The following PTMS variants were observed in gnomAD, a reference collection of about 807,000 sequenced individuals.
PTMS encodes the protein parathymosin.
A neutral mutation model predicts 18.4 loss-of-function variants in PTMS; 5 were observed. The observed-to-expected ratio is 0.27, with a 90% confidence interval of 0.14 to 0.57. The LOEUF is 0.57. Ranked by LOEUF, PTMS falls within the 20% of genes least tolerant of loss-of-function variation. The probability of loss-of-function intolerance (pLI) is 0.92; values close to 1 mark genes in which losing one functional copy is unlikely to be tolerated. For missense variants in PTMS, 93 were observed against 124.6 expected, an observed-to-expected ratio of 0.75 and a Z score of 1.21; for synonymous variants, 53 against 47.7, an observed-to-expected ratio of 1.11 and a Z score of -0.46.
intron 1 of PTMS, chr12:6,769,321 G>A (rs1941808916): frequency 4.1e-6 from 2 of 488,548 alleles, no homozygotes; most frequent in East Asian, 4.1e-5. Context: ...GTGAGGTTTG[G>A]GAGAACTTGA....
rs1158698524 is a variant in PTMS, at chr12:6,766,577, T to C, written c.-129T>C. The C allele has an allele frequency of 6.1e-5, 24 of 391,748 alleles. No homozygotes were observed. The Admixed American group carries it at 7.7e-4, about 13-fold the overall frequency. 24.3% of individuals were successfully genotyped at this position (391,748 alleles called of 1,614,324 possible). On this transcript the variant is annotated 5_prime_UTR_variant, in exon 1 of 5. Transcript: ENST00000309083. ...ACCCAGCTTGCCGAGCGGCCGCCGC[T>C]GCCGCTGTCGCCGCCGCCGCCGCCA...
At chr12:6,767,741 C>T (rs1216206538) in intron 1 of PTMS, among the ~76,000 whole-genome samples, 2 of 152,230 alleles carry the variant, frequency 1.3e-5, no homozygotes, top group Non-Finnish European at 2.9e-5. Context: ...CCGTGTGGCC[C>T]TCCGGCGGGC....
Position 6,766,630 on chromosome 12 carries a change from C to A in PTMS, c.-76C>A. 1 of 922,858 alleles carries A rather than the reference C, an allele frequency of 1.1e-6. No individual in the cohort carries two copies. The highest frequency in any genetic ancestry group is 1.3e-6 in the Non-Finnish European group (1 of 749,238). The allele number at this position is 922,858 out of a possible 1,614,324, so 57.2% of individuals were successfully genotyped here. A position where few individuals can be genotyped will look rare whatever the true frequency, so the allele number is the denominator to read the frequency against. ...GCGCCAGGTTCCGGCCGCGGCCACC[C>A]TCCGCCGTCCAGGGCCCCTCCGTCT... On this transcript the variant is annotated 5_prime_UTR_variant, in exon 1 of 5. Coordinates refer to ENST00000309083, the MANE Select transcript of PTMS (RefSeq NM_002824.6).
rs1208179589 is a variant in PTMS, at chr12:6,770,791, C to T, written c.*349C>T. 8.4e-6 allele frequency: 3 copies of T among 357,480 alleles called. No individual in the cohort carries two copies. The highest frequency in any genetic ancestry group is 1.6e-5 in the Non-Finnish European group (3 of 189,640). The allele number at this position is 357,480 out of a possible 1,614,324, so 22.1% of individuals were successfully genotyped here. A position where few individuals can be genotyped will look rare whatever the true frequency, so the allele number is the denominator to read the frequency against. ...GCATCCCCCAGCCTCATGTCCTGCCCCATCCCTATCCTGCCTGATCCCTGG... is the reference window on the plus strand; with the variant it reads ...GCATCCCCCAGCCTCATGTCCTGCCTCATCCCTATCCTGCCTGATCCCTGG... On this transcript the variant is annotated 3_prime_UTR_variant, in exon 5 of 5. Coordinates refer to ENST00000309083, the MANE Select transcript of PTMS (RefSeq NM_002824.6). This position sits in a 1 kb window ranked among gnomAD's most constrained non-coding sequence, Gnocchi z 7.3.
intron 1 of PTMS, among the ~76,000 whole-genome samples, 182 bp from the exon 2 acceptor site, chr12:6,769,421 G>A (rs570202728): frequency 1.3e-5 from 2 of 152,184 alleles, no homozygotes; most frequent in South Asian, 4.1e-4. Flanking sequence ...GAGGTGTTTG[G>A]TCTCAACCCC....
Position 6,770,124 on chromosome 12 carries a change from C to T in PTMS, c.197-33C>T. On this transcript the variant is annotated intron_variant, in intron 3 of 4. Coordinates refer to ENST00000309083, the MANE Select transcript of PTMS (RefSeq NM_002824.6). The surrounding 1 kb of genome is among the most constrained non-coding windows in gnomAD (Gnocchi z 7.3). ...ACGGGGGCTCTGCCAGAGCTTCCTG[C>T]CCTTCCCCAATGACCCATTTCTGGC... 6.2e-7 allele frequency: 1 copy of T among 1,613,562 alleles called. No individual in the cohort carries two copies. The highest frequency in any genetic ancestry group is 8.5e-7 in the Non-Finnish European group (1 of 1,179,828).
Position 6,770,044 on chromosome 12 carries a change from A to G in PTMS, c.196+45A>G. ...GCTGGGCTGGCAAAGTCTGGGCTCA[A>G]AGGAGAGCAGAGTCAGGGTGGGTTT... On this transcript the variant is annotated intron_variant, in intron 3 of 4. Coordinates refer to ENST00000309083, the MANE Select transcript of PTMS (RefSeq NM_002824.6). The surrounding 1 kb of genome is among the most constrained non-coding windows in gnomAD (Gnocchi z 7.3). The G allele has an allele frequency of 1.3e-6, 2 of 1,577,056 alleles. No individual in the cohort carries two copies. Among genetic ancestry groups the G allele is most frequent in the Non-Finnish European group, 8.6e-7 (1 of 1,161,970 alleles).
At position 6,770,290 on chromosome 12, in the gene PTMS, C is replaced by T. The variant is rs1019655967; in HGVS notation, c.258+72C>T. 129 of 1,609,598 alleles carry T rather than the reference C, an allele frequency of 8.0e-5. 1 individual carries two copies. Among genetic ancestry groups the T allele is most frequent in the South Asian group, 8.8e-5 (8 of 90,992 alleles). On this transcript the variant is annotated intron_variant, in intron 4 of 4. Transcript: ENST00000309083. The surrounding 1 kb of genome is among the most constrained non-coding windows in gnomAD (Gnocchi z 7.3). ...GGGCTGGGCGCCCTTTGGATTTGGA[C>T]CCAGATCCCTGTGTGGCAGGGGTGG...
chr12:6,766,697 C>A lies in PTMS; in HGVS notation c.-9C>A. On this transcript the variant is annotated 5_prime_UTR_variant, in exon 1 of 5. Coordinates refer to ENST00000309083, the MANE Select transcript of PTMS (RefSeq NM_002824.6). ...GCTCCCCGCCAGCCCCGGCCCCGGC[C>A]CCGGCACCATGTCGGAGAAAAGCGT... 1.8e-6 allele frequency: 2 copies of A among 1,130,890 alleles called. No individual in the cohort carries two copies. Among genetic ancestry groups the A allele is most frequent in the South Asian group, 5.4e-5 (2 of 36,764 alleles). 70.1% of individuals were successfully genotyped at this position (1,130,890 alleles called of 1,614,324 possible).
rs1025541336 is a variant in PTMS, at chr12:6,770,212, A to C, written c.252A>C (p.Glu84Asp). Residue 84 changes from glutamate (E) to aspartate (D), a missense_variant, in exon 4 of 5, where the codon GAA (glutamate) becomes GAC (aspartate). Glu to Asp is a conservative substitution (Grantham distance 45, BLOSUM62 2). Transcript: ENST00000309083. The surrounding 1 kb of genome is among the most constrained non-coding windows in gnomAD (Gnocchi z 7.3). ...DEGPALKRAA[E>D]EEDEADPKRQ... ...GGCCCGCGCTGAAGAGAGCTGCCGAAGAGGAGGTTTGGGCTGGGTTGCTGG... is the reference window on the plus strand; with the variant it reads ...GGCCCGCGCTGAAGAGAGCTGCCGACGAGGAGGTTTGGGCTGGGTTGCTGG... 6.2e-7 allele frequency: 1 copy of C among 1,614,180 alleles called. No individual in the cohort carries two copies. Among genetic ancestry groups the C allele is most frequent in the African/African-American group, 1.3e-5 (1 of 75,058 alleles).
chr12:6,769,829 C>T (rs1454339795), intron 2 of PTMS, 92 bp from the exon 3 acceptor site: 2 of 1,609,844 alleles, frequency 1.2e-6, no homozygotes, highest in Non-Finnish European at 1.7e-6. Flanking sequence ...CATCCCAAGC[C>T]CTTTTATCAC....
intron 1 of PTMS, chr12:6,768,954 T>C (rs1160039267): frequency 6.5e-6 from 1 of 153,798 alleles, no homozygotes; most frequent in Non-Finnish European, 1.4e-5. Context: ...CACCCATGCA[T>C]ACACCATGGG....
chr12:6,769,947 A>T lies in PTMS; in HGVS notation c.144A>T (p.Glu48Asp). 6.4e-7 allele frequency: 1 copy of T among 1,554,556 alleles called. No individual in the cohort carries two copies. The highest frequency in any genetic ancestry group is 1.2e-5 in the South Asian group (1 of 84,696). Reference protein sequence around the residue: ...VEEEENGAEEEEEETAEDGEE... With the variant: ...VEEEENGAEEDEEETAEDGEE... ...AGGAGGAGAACGGGGCTGAGGAGGA[A>T]GAAGAAGAAACTGCCGAGGATGGAG... Residue 48 changes from glutamate (E) to aspartate (D), a missense_variant, in exon 3 of 5, where the codon GAA (glutamate) becomes GAT (aspartate). Coordinates refer to ENST00000309083, the MANE Select transcript of PTMS (RefSeq NM_002824.6).
chr12:6,769,571 G>A, intron 1 of PTMS, 32 bp from the exon 2 acceptor site: 1 of 1,611,316 alleles, frequency 6.2e-7, no homozygotes, highest in East Asian at 2.2e-5. Context: ...AGCCATTTGT[G>A]GTGAGAAAGG....
In PTMS at chr12:6,766,510, AC is replaced by A. The variant is rs1014062250; in HGVS notation, c.-191del. 2 of 139,690 alleles carry A rather than the reference AC, an allele frequency of 1.4e-5. No individual in the cohort carries two copies. The highest frequency in any genetic ancestry group is 1.5e-5 in the Non-Finnish European group (1 of 66,450). The allele number at this position is 139,690 out of a possible 1,614,324, so 8.7% of individuals were successfully genotyped here. A position where few individuals can be genotyped will look rare whatever the true frequency, so the allele number is the denominator to read the frequency against. On this transcript the variant is annotated 5_prime_UTR_variant, in exon 1 of 5. Transcript: ENST00000309083. ...CCCTGCGGGTCTCCGCTCCAGACCCACCCCCGCCCCACCCCGCGCGCCTCTG... is the reference window on the plus strand; with the variant it reads ...CCCTGCGGGTCTCCGCTCCAGACCCACCCCGCCCCACCCCGCGCGCCTCTG...
At position 6,770,354 on chromosome 12, in the gene PTMS, C is replaced by G; in HGVS notation, c.259-38C>G. 2 of 1,612,830 alleles carry G rather than the reference C, an allele frequency of 1.2e-6. No homozygotes were observed. The highest frequency in any genetic ancestry group is 1.7e-6 in the Non-Finnish European group (2 of 1,178,892). ...ACCGGGACAGGGGGAGGTCTCCCCT[C>G]CCATTTTACAGCTCCCCCATTCTCT... On this transcript the variant is annotated intron_variant, in intron 4 of 4. Transcript: ENST00000309083. The surrounding 1 kb of genome is among the most constrained non-coding windows in gnomAD (Gnocchi z 7.3).
In PTMS at chr12:6,766,493, G is replaced by A; in HGVS notation, c.-213G>A. 3.6e-6 allele frequency: 1 copy of A among 274,534 alleles called. No individual in the cohort carries two copies. Among genetic ancestry groups the A allele is most frequent in the South Asian group, 3.2e-5 (1 of 30,962 alleles). The allele number at this position is 274,534 out of a possible 1,614,324, so 17.0% of individuals were successfully genotyped here. On this transcript the variant is annotated 5_prime_UTR_variant, in exon 1 of 5. Coordinates refer to ENST00000309083, the MANE Select transcript of PTMS (RefSeq NM_002824.6). ...CCTCCGGACGGCCGCAGCCCTGCGGGTCTCCGCTCCAGACCCACCCCCGCC... is the reference window on the plus strand; with the variant it reads ...CCTCCGGACGGCCGCAGCCCTGCGGATCTCCGCTCCAGACCCACCCCCGCC...
intron 1 of PTMS, 50 bp downstream of exon 1, chr12:6,766,800 G>A (rs2137797311): frequency 9.6e-7 from 1 of 1,039,006 alleles, no homozygotes; most frequent in Non-Finnish European, 1.2e-6. Flanking sequence ...CCTGGGGCCC[G>A]GCGCGGTCCT....
At chr12:6,767,904 G>A (rs1264309429) in intron 1 of PTMS, among the ~76,000 whole-genome samples, 2 of 152,228 alleles carry the variant, frequency 1.3e-5, no homozygotes, top group East Asian at 3.9e-4. Flanking sequence ...GAGTGGCTCC[G>A]CTGTGCTCCC....
Sources: allele counts gnomAD v4.1 joint callset (sites outside exome capture counted in the v4.1 genomes callset), GRCh38; gene constraint gnomAD v4.1.1; non-coding constraint Gnocchi (gnomAD v3.1); transcripts MANE v1.5; gene names NCBI Gene and HGNC (gene_info 2026-07-23, HGNC 2026-07-21).